Variants in ARB2A observed in about 807,000 individuals in gnomAD.
ARB2A encodes the protein ARB2 cotranscriptional regulator A.
At chr5:93,962,159 C>T in the ARB2A span, among the ~76,000 whole-genome samples, 5 of 152,108 alleles carry the variant, frequency 3.3e-5, no homozygotes, top group South Asian at 4.1e-4. Flanking sequence ...GTCATTCCAG[C>T]GAACCACCTC....
the ARB2A span, among the ~76,000 whole-genome samples, chr5:93,627,228 G>C: frequency 6.6e-6 from 1 of 152,032 alleles, no homozygotes; most frequent in Non-Finnish European, 1.5e-5. Context: ...ACTGAATCTT[G>C]AATCCCTCAA....
At chr5:93,987,187 T>G in the ARB2A span, among the ~76,000 whole-genome samples, 1 of 152,248 alleles carries the variant, frequency 6.6e-6, no homozygotes, top group African/African-American at 2.4e-5. Flanking sequence ...TCCCTCTTAA[T>G]GTCCTATTTA....
At chr5:94,089,004 C>T in the ARB2A span, among the ~76,000 whole-genome samples, 191 of 152,010 alleles carry the variant, frequency 1.3e-3, no homozygotes, top group African/African-American at 3.9e-3. Flanking sequence ...ACTTCAATTC[C>T]GAGAAAAAAT....
chr5:94,110,137 G>A, the ARB2A span, among the ~76,000 whole-genome samples: 1 of 151,942 alleles, frequency 6.6e-6, no homozygotes, highest in Admixed American at 6.6e-5. Flanking sequence ...CGTCCGCCTC[G>A]GCCTCCCAAA....
At chr5:94,037,741 G>A in the ARB2A span, among the ~76,000 whole-genome samples, 2 of 152,038 alleles carry the variant, frequency 1.3e-5, no homozygotes, top group Non-Finnish European at 2.9e-5. Context: ...ATTATACACA[G>A]AAAATCACAT....
chr5:93,779,124 T>TGTGTGTGCGC, the ARB2A span, among the ~76,000 whole-genome samples: 78 of 146,388 alleles, frequency 5.3e-4, no homozygotes, highest in African/African-American at 1.8e-3. Context: ...TGTGTGTGTG[T>TGTGTGTGCGC]GCGCGCGCGC....
the ARB2A span, among the ~76,000 whole-genome samples, chr5:94,049,608 T>G: frequency 4.4e-3 from 664 of 150,544 alleles, 3 homozygotes; most frequent in Non-Finnish European, 6.9e-3. Flanking sequence ...TGAAACCCCA[T>G]CTCTACTAAA....
the ARB2A span, among the ~76,000 whole-genome samples, chr5:93,627,905 T>C: frequency 6.6e-6 from 1 of 152,112 alleles, no homozygotes; most frequent in Non-Finnish European, 1.5e-5. Flanking sequence ...GGAGTGATAA[T>C]ATTTTGAAAG....
At chr5:94,069,354 AACATTTCAGGACACT>A in the ARB2A span, among the ~76,000 whole-genome samples, 1 of 152,196 alleles carries the variant, frequency 6.6e-6, no homozygotes, top group African/African-American at 2.4e-5. Flanking sequence ...ACACAGGGGA[AACATTTCAGGACACT>A]GGTCTAGGCA....
the ARB2A span, among the ~76,000 whole-genome samples, chr5:94,011,987 G>A: frequency 5.4e-5 from 8 of 148,448 alleles, no homozygotes; most frequent in Non-Finnish European, 1.0e-4. Flanking sequence ...GAAAATGAGC[G>A]TTCAGATAGG....
the ARB2A span, among the ~76,000 whole-genome samples, chr5:93,990,972 G>A: frequency 6.6e-6 from 1 of 152,066 alleles, no homozygotes; most frequent in Non-Finnish European, 1.5e-5. Context: ...GGCACGATTC[G>A]ATTGAAAAGG....
the ARB2A span, among the ~76,000 whole-genome samples, chr5:93,946,852 C>CCTTAGATATGCCACACTTT: frequency 5.9e-5 from 9 of 152,054 alleles, no homozygotes; most frequent in Admixed American, 4.6e-4. Flanking sequence ...TGCCACACTT[C>CCTTAGATATGCCACACTTT]TTCAACAACA....
At chr5:94,018,720 C>G in the ARB2A span, among the ~76,000 whole-genome samples, 3 of 151,868 alleles carry the variant, frequency 2.0e-5, 1 homozygote, top group South Asian at 6.2e-4. Flanking sequence ...TTTGTAGCAA[C>G]TGTGAATGGG....
the ARB2A span, among the ~76,000 whole-genome samples, chr5:93,848,220 T>C: frequency 1.3e-5 from 2 of 151,964 alleles, no homozygotes; most frequent in East Asian, 1.9e-4. Context: ...CCGTCTCTAC[T>C]GAAAATACAA....
At chr5:94,053,607 T>G in the ARB2A span, among the ~76,000 whole-genome samples, 1 of 152,104 alleles carries the variant, frequency 6.6e-6, no homozygotes, top group African/African-American at 2.4e-5. Flanking sequence ...ATAAAGAAAC[T>G]TATAAATGTA....
At chr5:93,741,291 C>T in the ARB2A span, 1 of 1,613,700 alleles carries the variant, frequency 6.2e-7, no homozygotes, top group Non-Finnish European at 8.5e-7. Context: ...GGCGTCGCAA[C>T]CAGTCCCCTG....
chr5:94,031,837 A>G, the ARB2A span, among the ~76,000 whole-genome samples: 1 of 152,136 alleles, frequency 6.6e-6, no homozygotes, highest in Admixed American at 6.5e-5. Flanking sequence ...GTGTGGCTTG[A>G]CTTGCTGCTC....
the ARB2A span, among the ~76,000 whole-genome samples, chr5:93,967,810 A>T: frequency 9.3e-4 from 142 of 152,258 alleles, no homozygotes; most frequent in African/African-American, 3.3e-3. Context: ...CAGAAAGGGA[A>T]ATGCCCAGCT....
the ARB2A span, chr5:93,805,247 T>C: frequency 2.0e-6 from 2 of 985,024 alleles, no homozygotes; most frequent in Non-Finnish European, 2.4e-6. Context: ...GATTTAAAAA[T>C]TACTATTCCT....
Sources: gnomAD v4.1 joint callset for allele counts (sites outside exome capture counted in the v4.1 genomes callset) on GRCh38, gnomAD v4.1.1 for gene constraint, MANE v1.5 for transcripts, NCBI Gene and HGNC (gene_info 2026-07-23, HGNC 2026-07-21) for gene names.